The following PALM2AKAP2 variants were observed in gnomAD, a reference collection of about 807,000 sequenced individuals.
PALM2AKAP2 encodes PALM2-AKAP2 fusion protein.
In PALM2AKAP2, 37 loss-of-function variants were observed where a neutral mutation model predicts 71.5. The ratio of observed to expected loss-of-function variants is 0.52; its 90% CI spans 0.40 to 0.68. PALM2AKAP2 has a LOEUF of 0.68. Among genes scored for constraint, PALM2AKAP2 ranks in the 30% least tolerant of loss-of-function variants. PALM2AKAP2 has a pLI of 0.00. For synonymous variants in PALM2AKAP2, 468 were observed against 478.8 expected (o/e 0.98, Z 0.29); for missense variants, 1,224 against 1,191.8 (o/e 1.03, Z -0.40).
intron 1 of PALM2AKAP2, among the ~76,000 whole-genome samples, chr9:109,788,662 C>A (rs1220848125): frequency 6.6e-6 from 1 of 152,228 alleles, no homozygotes; most frequent in East Asian, 1.9e-4. Flanking sequence ...ATGTGCATCA[C>A]ATGCCCATTG....
chr9:109,892,428 A>T (rs925921998), intron 3 of PALM2AKAP2, among the ~76,000 whole-genome samples: 1 of 152,092 alleles, frequency 6.6e-6, no homozygotes, highest in Non-Finnish European at 1.5e-5. Flanking sequence ...AGACCCTTTT[A>T]TCCACATAAG....
chr9:109,838,434 T>G (rs868499563), intron 1 of PALM2AKAP2, among the ~76,000 whole-genome samples: 1 of 152,074 alleles, frequency 6.6e-6, no homozygotes, highest in South Asian at 2.1e-4. Flanking sequence ...AGGAAAGATC[T>G]CAAATTGACA....
intron 2 of PALM2AKAP2, among the ~76,000 whole-genome samples, chr9:109,870,127 G>C (rs971927426): frequency 1.3e-5 from 2 of 152,118 alleles, no homozygotes; most frequent in Non-Finnish European, 2.9e-5. Flanking sequence ...GGTGAGGAGG[G>C]TCCTCAGGCC....
At chr9:109,967,433 A>G (rs1329874970) in intron 6 of PALM2AKAP2, among the ~76,000 whole-genome samples, 1 of 149,314 alleles carries the variant, frequency 6.7e-6, no homozygotes, top group Non-Finnish European at 1.5e-5. Context: ...TTTTTGAGAC[A>G]GAGTTTCATT....
At chr9:109,934,859 G>T (rs1190217957) in intron 6 of PALM2AKAP2, among the ~76,000 whole-genome samples, 1 of 152,216 alleles carries the variant, frequency 6.6e-6, no homozygotes, top group African/African-American at 2.4e-5. Flanking sequence ...AGGACCTACA[G>T]AATTCTTTTG....
rs146194016 is a variant in PALM2AKAP2, at chr9:109,764,788, A to G, written c.6-15700A>G. Among the ~76,000 whole-genome samples, 166 of 150,204 alleles carry G rather than the reference A, an allele frequency of 1.1e-3. 2 individuals carry two copies. In the East Asian group the frequency reaches 0.025, roughly 23 times the overall value. On this transcript the variant is annotated intron_variant, in intron 1 of 6. Transcript: ENST00000374531. Reference sequence around the variant, plus strand: ...GATGGATAGATGGATGCATGGGTAGATGAATGAACGGATAAAGGGATGAAT... The same window carrying G: ...GATGGATAGATGGATGCATGGGTAGGTGAATGAACGGATAAAGGGATGAAT...
chr9:109,874,096 G>T (rs902215214), intron 2 of PALM2AKAP2, among the ~76,000 whole-genome samples: 14 of 152,148 alleles, frequency 9.2e-5, no homozygotes, highest in Non-Finnish European at 1.5e-4. Context: ...AGTGATCCAA[G>T]ATTTTATATT....
rs184274258 is a variant in PALM2AKAP2 at position 109,953,573 on chromosome 9, C to T, written c.496+21545C>T. 4.5e-3 allele frequency among the ~76,000 whole-genome samples: 692 copies of T among 152,142 alleles called. 2 individuals carry two copies. Among genetic ancestry groups the T allele is most frequent in the Non-Finnish European group, 8.6e-3 (588 of 67,994 alleles). ...GCGCTGGAGGCCAGGTGCGGTGGCT[C>T]ATGCTTGTAATCCCAGCACTTTGGG... On this transcript the variant is annotated intron_variant, in intron 6 of 9. Transcript: ENST00000302798.
At chr9:110,120,726 A>G (rs1354221282) in intron 1 of PALM2AKAP2, among the ~76,000 whole-genome samples, 1 of 152,182 alleles carries the variant, frequency 6.6e-6, no homozygotes, top group Non-Finnish European at 1.5e-5. Flanking sequence ...GCTGGTCTTG[A>G]ACTCCTGACC....
chr9:110,147,623 A>T (rs750756833), intron 2 of PALM2AKAP2, among the ~76,000 whole-genome samples: 5 of 152,146 alleles, frequency 3.3e-5, no homozygotes, highest in African/African-American at 7.2e-5. Context: ...GGGGGGAAAA[A>T]ATAGCTGAAT....
chr9:110,092,595 G>A (rs1834738609), intron 1 of PALM2AKAP2, among the ~76,000 whole-genome samples: 1 of 152,126 alleles, frequency 6.6e-6, no homozygotes, highest in Non-Finnish European at 1.5e-5. Context: ...TTTAAGGGCA[G>A]TGAAATGCTG....
chr9:110,162,220 C>T lies in PALM2AKAP2; in HGVS notation c.2748+5723C>T, dbSNP rs528350124. On this transcript the variant is annotated intron_variant, in intron 3 of 3. Coordinates refer to ENST00000374525, the Ensembl canonical transcript of PALM2AKAP2. ...GTTTGCCATTTCCTGATGAGTTAAA[C>T]GAAAATGGCAAGAAAAATGACTTGT... The T allele has an allele frequency of 4.3e-5, 66 of 1,549,712 alleles. 1 individual carries two copies. The highest frequency in any genetic ancestry group is 1.9e-4 in the African/African-American group (14 of 73,434).
chr9:110,113,594 G>T (rs1835296919), intron 1 of PALM2AKAP2, among the ~76,000 whole-genome samples: 1 of 151,714 alleles, frequency 6.6e-6, no homozygotes, highest in South Asian at 2.1e-4. Context: ...CACAATCTCG[G>T]CTCACTGCAA....
At chr9:109,824,279 C>G (rs1377633638) in intron 1 of PALM2AKAP2, among the ~76,000 whole-genome samples, 1 of 152,222 alleles carries the variant, frequency 6.6e-6, no homozygotes. Flanking sequence ...ACATGCCCCT[C>G]TCTTCATGAA....
At chr9:110,131,390 A>G (rs189329397) in intron 1 of PALM2AKAP2, among the ~76,000 whole-genome samples, 6 of 152,308 alleles carry the variant, frequency 3.9e-5, no homozygotes, top group African/African-American at 1.4e-4. Flanking sequence ...GGCATAGTTC[A>G]TTTCAAAAAG....
Position 109,867,160 on chromosome 9 carries a change from T to TTCTCTC in PALM2AKAP2, c.46-326_46-325insCTCTCT, listed in dbSNP as rs376077604. On this transcript the variant is annotated intron_variant, in intron 1 of 9. Coordinates refer to the PALM2AKAP2 transcript ENST00000302798. Reference sequence around the variant, plus strand: ...CAAATTAACACTGCACAGAACATGGTTCTCTGTGTGTGTGTGTGTGTGTGT... The same window carrying TTCTCTC: ...CAAATTAACACTGCACAGAACATGGTTCTCTCTCTCTGTGTGTGTGTGTGTGTGTGT... 6.0e-5 allele frequency: 24 copies of TTCTCTC among 396,916 alleles called. No individual in the cohort carries two copies. The African/African-American group carries it at 6.7e-4, about 11-fold the overall frequency. 24.6% of individuals were successfully genotyped at this position (396,916 alleles called of 1,614,324 possible). A position where few individuals can be genotyped will look rare whatever the true frequency, so the allele number is the denominator to read the frequency against.
intron 6 of PALM2AKAP2, among the ~76,000 whole-genome samples, chr9:109,938,371 G>A (rs1456289502): frequency 2.0e-5 from 3 of 152,144 alleles, no homozygotes; most frequent in Non-Finnish European, 4.4e-5. Flanking sequence ...CTCTTTACTG[G>A]AGGAAAGAGT....
chr9:110,057,159 G>C (rs575007303), intron 1 of PALM2AKAP2, among the ~76,000 whole-genome samples: 12 of 152,024 alleles, frequency 7.9e-5, no homozygotes, highest in African/African-American at 2.9e-4. Context: ...TTAGAGACAG[G>C]GTCTCTCCGT....
intron 1 of PALM2AKAP2, among the ~76,000 whole-genome samples, chr9:109,739,373 GA>G (rs1299136197): frequency 3.3e-5 from 5 of 152,074 alleles, no homozygotes; most frequent in African/African-American, 7.2e-5. Flanking sequence ...AAAGAAATAG[GA>G]AACTCATTTT....
Sources: gnomAD v4.1 joint callset for allele counts (sites outside exome capture counted in the v4.1 genomes callset) on GRCh38, gnomAD v4.1.1 for gene constraint, MANE v1.5 for transcripts, NCBI Gene and HGNC (gene_info 2026-07-23, HGNC 2026-07-21) for gene names.